The following ATP8A2 variants were observed in gnomAD, a reference collection of about 807,000 sequenced individuals.
ATP8A2 encodes the protein phospholipid-transporting ATPase IB.
ATP8A2 carries 100 observed loss-of-function variants against 165.6 expected under a neutral mutation model. The observed-to-expected ratio is 0.60, with a 90% CI of 0.51 to 0.71. The LOEUF (loss-of-function observed/expected upper bound fraction) is 0.71. Ranked by LOEUF, ATP8A2 falls within the 30% of genes least tolerant of loss-of-function variation. ATP8A2 has a pLI of 0.00. For synonymous variants in ATP8A2, 543 were observed against 548.8 expected, an observed-to-expected ratio of 0.99 and a Z score of 0.15; for missense variants, 1,227 against 1,479.5, an observed-to-expected ratio of 0.83 and a Z score of 2.80.
At chr13:25,734,798 C>T (rs993482917) in intron 25 of ATP8A2, among the ~76,000 whole-genome samples, 4 of 151,682 alleles carry the variant, frequency 2.6e-5, no homozygotes, top group African/African-American at 4.9e-5. Flanking sequence ...ATCACCACAC[C>T]TGGCTAATTT....
At chr13:25,684,800 G>T (rs1320997284) in intron 24 of ATP8A2, among the ~76,000 whole-genome samples, 1 of 152,064 alleles carries the variant, frequency 6.6e-6, no homozygotes, top group Non-Finnish European at 1.5e-5. Context: ...GGACACTCTG[G>T]TCTTCTGCAA....
At chr13:25,966,478 AG>A (rs1468033884) in intron 34 of ATP8A2, among the ~76,000 whole-genome samples, 1 of 152,202 alleles carries the variant, frequency 6.6e-6, no homozygotes, top group Admixed American at 6.5e-5. Context: ...GCTTGGGAAC[AG>A]GGTTTTAAAT....
intron 2 of ATP8A2, among the ~76,000 whole-genome samples, chr13:25,488,803 G>A (rs1309347338): frequency 6.6e-6 from 1 of 151,976 alleles, no homozygotes; most frequent in Admixed American, 6.5e-5. Context: ...GTCTTGCTGT[G>A]TACCACAGTA....
chr13:25,699,994 G>C (rs1179387261), intron 25 of ATP8A2, among the ~76,000 whole-genome samples: 1 of 152,162 alleles, frequency 6.6e-6, no homozygotes, highest in African/African-American at 2.4e-5. Flanking sequence ...AAAGGTCACA[G>C]AGAGCTGGAG....
intron 1 of ATP8A2, among the ~76,000 whole-genome samples, chr13:25,398,748 A>G (rs1039275407): frequency 6.6e-6 from 1 of 152,254 alleles, no homozygotes; most frequent in Non-Finnish European, 1.5e-5. Context: ...TATTTCCAAT[A>G]CAACATGATA....
chr13:25,619,354 C>T (rs1003438086), intron 24 of ATP8A2, among the ~76,000 whole-genome samples: 27 of 152,260 alleles, frequency 1.8e-4, no homozygotes, highest in African/African-American at 6.0e-4. Context: ...CAATGCAGCT[C>T]CTCTTCATAG....
At chr13:25,817,361 G>A (rs1368218118) in intron 27 of ATP8A2, among the ~76,000 whole-genome samples, 1 of 122,270 alleles carries the variant, frequency 8.2e-6, no homozygotes, top group Non-Finnish European at 1.9e-5. Context: ...GGGGGGGGGG[G>A]GAAACACGAT....
At chr13:25,675,774 C>T (rs2042359615) in intron 24 of ATP8A2, among the ~76,000 whole-genome samples, 1 of 152,078 alleles carries the variant, frequency 6.6e-6, no homozygotes, top group Non-Finnish European at 1.5e-5. Context: ...TGGACAAGCT[C>T]ACCTTTGACA....
chr13:25,538,747 T>C (rs932008193), intron 7 of ATP8A2, among the ~76,000 whole-genome samples: 4 of 152,194 alleles, frequency 2.6e-5, no homozygotes, highest in Non-Finnish European at 5.9e-5. Context: ...TAACTTCCTA[T>C]ATTTATACAC....
intron 1 of ATP8A2, among the ~76,000 whole-genome samples, chr13:25,386,044 T>C (rs2033031576): frequency 2.0e-5 from 3 of 152,000 alleles, no homozygotes; most frequent in Middle Eastern, 6.8e-3. Context: ...GGCTCCCAAG[T>C]AGCTGGGATT....
chr13:25,596,175 A>T (rs1453110038), intron 24 of ATP8A2, among the ~76,000 whole-genome samples: 1 of 152,184 alleles, frequency 6.6e-6, no homozygotes, highest in Non-Finnish European at 1.5e-5. Context: ...TGGCTGACCT[A>T]TCCTTAATCT....
chr13:25,558,980 ATC>A lies in ATP8A2; in HGVS notation c.1275_1276del (p.Ser427Ter). 6.2e-7 allele frequency: 1 copy of A among 1,604,168 alleles called. No individual in the cohort carries two copies. Among genetic ancestry groups the A allele is most frequent in the Non-Finnish European group, 8.5e-7 (1 of 1,174,664 alleles). On this transcript the variant is annotated frameshift_variant, in exon 14 of 37. Transcript: ENST00000381655. LOFTEE classifies it high-confidence loss of function. ...TTTTATTCTTTGGTTTAGGTGAAAT[ATC>A]TCTTTTCTGACAAGACTGGAACGCT...
At position 25,836,370 on chromosome 13, in the gene ATP8A2, T is replaced by C. The variant is rs557262843; in HGVS notation, c.2755-793T>C. ...ACACCTCCAAACAGGCATGCTGATG[T>C]CTCAGAGCTTTGTAAGGGGTGCATC... On this transcript the variant is annotated intron_variant, in intron 28 of 36. Coordinates refer to ENST00000381655, the MANE Select transcript of ATP8A2 (RefSeq NM_016529.6). Among the ~76,000 whole-genome samples, 3 of 152,298 alleles carry C rather than the reference T, an allele frequency of 2.0e-5. No homozygotes were observed. The South Asian group carries it at 6.2e-4, about 32-fold the overall frequency.
At chr13:25,570,336 G>A (rs530073341) in intron 16 of ATP8A2, among the ~76,000 whole-genome samples, 2 of 152,240 alleles carry the variant, frequency 1.3e-5, no homozygotes, top group African/African-American at 4.8e-5. Flanking sequence ...GCAGCAGCAC[G>A]TGGGTGAAGC....
chr13:25,512,307 G>C (rs1009485653), intron 2 of ATP8A2, among the ~76,000 whole-genome samples: 3 of 152,226 alleles, frequency 2.0e-5, no homozygotes, highest in Admixed American at 6.5e-5. Context: ...GCAACCATCC[G>C]ATTTCTCAAT....
rs577305111 is a variant in ATP8A2, at chr13:25,444,577, G to C, written c.77-24400G>C. ...TAAACCATACTTATGGGTGTGCAGT[G>C]ATATCTCCTTATAGTTTCAATTTGC... On this transcript the variant is annotated intron_variant, in intron 1 of 36. Coordinates refer to ENST00000381655, the MANE Select transcript of ATP8A2 (RefSeq NM_016529.6). 2.8e-4 allele frequency among the ~76,000 whole-genome samples: 42 copies of C among 151,398 alleles called. 1 individual carries two copies. Among genetic ancestry groups the C allele is most frequent in the African/African-American group, 9.7e-4 (40 of 41,300 alleles).
chr13:25,619,134 A>T (rs2040904458), intron 24 of ATP8A2, among the ~76,000 whole-genome samples: 1 of 152,324 alleles, frequency 6.6e-6, no homozygotes, highest in African/African-American at 2.4e-5. Flanking sequence ...ACGGCCTTGG[A>T]TGCAGAAGCA....
intron 33 of ATP8A2, among the ~76,000 whole-genome samples, chr13:25,921,925 T>C (rs748153602): frequency 6.6e-6 from 1 of 152,234 alleles, no homozygotes; most frequent in Non-Finnish European, 1.5e-5. Context: ...TTCTATAGTT[T>C]ATTTGTTAGA....
At chr13:25,613,244 ATT>A (rs2040734868) in intron 24 of ATP8A2, among the ~76,000 whole-genome samples, 2 of 152,226 alleles carry the variant, frequency 1.3e-5, no homozygotes, top group Non-Finnish European at 2.9e-5. Context: ...AGGAGGTTCT[ATT>A]TTGTTGTATT....
Sources: allele counts gnomAD v4.1 joint callset (sites outside exome capture counted in the v4.1 genomes callset), GRCh38; gene constraint gnomAD v4.1.1; transcripts MANE v1.5; gene names NCBI Gene and HGNC (gene_info 2026-07-23, HGNC 2026-07-21).